Variants in SMG6 observed in about 807,000 individuals in gnomAD.
SMG6 encodes SMG6 nonsense mediated mRNA decay factor.
In SMG6, 66 loss-of-function variants were observed where a neutral mutation model predicts 142.2. That is an observed-to-expected ratio of 0.46 (90% CI 0.38 to 0.57). The LOEUF (loss-of-function observed/expected upper bound fraction) is 0.57, where lower values mean the gene tolerates loss of function less well. Ranked by LOEUF, SMG6 falls within the 20% of genes least tolerant of loss-of-function variation. The pLI is 0.00. For synonymous variants in SMG6, 779 were observed against 702.4 expected (o/e 1.11, Z -1.72); for missense variants, 1,793 against 1,832.0 (o/e 0.98, Z 0.39).
At chr17:2,165,370 A>G (rs2071305052) in intron 13 of SMG6, among the ~76,000 whole-genome samples, 1 of 152,194 alleles carries the variant, frequency 6.6e-6, no homozygotes, top group African/African-American at 2.4e-5. Flanking sequence ...TAGAAAATAA[A>G]TTCATTTATT....
intron 10 of SMG6, among the ~76,000 whole-genome samples, chr17:2,232,493 G>C (rs1386866880): frequency 6.6e-6 from 1 of 152,104 alleles, no homozygotes; most frequent in East Asian, 1.9e-4. Context: ...GGCTTTCCCA[G>C]AACTGTTGCC....
chr17:2,079,509 G>A (rs1001027020), intron 15 of SMG6, among the ~76,000 whole-genome samples: 9 of 152,064 alleles, frequency 5.9e-5, no homozygotes, highest in Admixed American at 5.2e-4. Flanking sequence ...GGTGGTGCAT[G>A]CCTGTAATCC....
chr17:2,151,685 G>C (rs2070829625), intron 13 of SMG6, among the ~76,000 whole-genome samples: 1 of 152,232 alleles, frequency 6.6e-6, no homozygotes, highest in African/African-American at 2.4e-5. Flanking sequence ...CAATTAAAAA[G>C]TGACAAGATT....
chr17:2,098,780 G>GC (rs2068927490), intron 13 of SMG6, among the ~76,000 whole-genome samples: 1 of 151,918 alleles, frequency 6.6e-6, no homozygotes, highest in African/African-American at 2.4e-5. Context: ...ACAGGCACCC[G>GC]CCACCATGTC....
intron 8 of SMG6, chr17:2,255,576 C>A (rs1195306624): frequency 6.4e-6 from 1 of 155,984 alleles, no homozygotes; most frequent in Non-Finnish European, 1.4e-5. Context: ...GCGGGCGCCT[C>A]CGCCCGGCCA....
chr17:2,141,979 G>A (rs8072532), intron 13 of SMG6, among the ~76,000 whole-genome samples: 115,489 of 152,160 alleles, frequency 0.76, 45,071 homozygotes, highest in African/African-American at 0.93. Context: ...TTTCTGAAGT[G>A]TGTACTTCAG....
At chr17:2,172,962 C>T in intron 12 of SMG6, 103 bp from the exon 13 acceptor site, 1 of 1,143,954 alleles carries the variant, frequency 8.7e-7, no homozygotes, top group Non-Finnish European at 1.3e-6. Context: ...CAAATGTTGT[C>T]TAGGCTGGCA....
At chr17:2,087,123 A>G in intron 13 of SMG6, 1 of 1,290,468 alleles carries the variant, frequency 7.7e-7, no homozygotes, top group African/African-American at 1.5e-5. Flanking sequence ...TCTCTCTCTC[A>G]TGTGGACAGC....
chr17:2,231,385 G>C (rs2073487797), intron 10 of SMG6, among the ~76,000 whole-genome samples: 1 of 152,084 alleles, frequency 6.6e-6, no homozygotes, highest in South Asian at 2.1e-4. Flanking sequence ...CTGTAATTCA[G>C]GATTACTAAC....
At chr17:2,152,365 C>G (rs76548545) in intron 13 of SMG6, among the ~76,000 whole-genome samples, 2 of 152,218 alleles carry the variant, frequency 1.3e-5, no homozygotes, top group East Asian at 3.8e-4. Context: ...GTGAACCCTT[C>G]AGCTCTCAGC....
chr17:2,103,518 G>C (rs2069069546), intron 13 of SMG6, among the ~76,000 whole-genome samples: 1 of 152,174 alleles, frequency 6.6e-6, no homozygotes, highest in South Asian at 2.1e-4. Context: ...GAAAATTTCT[G>C]TTGCTGTCCA....
chr17:2,079,341 C>T (rs947941982), intron 15 of SMG6, among the ~76,000 whole-genome samples: 1 of 152,164 alleles, frequency 6.6e-6, no homozygotes, highest in Non-Finnish European at 1.5e-5. Flanking sequence ...AACAGAATTT[C>T]TGGGAAAACA....
At chr17:2,107,997 G>A (rs962919833) in intron 13 of SMG6, among the ~76,000 whole-genome samples, 7 of 152,228 alleles carry the variant, frequency 4.6e-5, no homozygotes, top group East Asian at 1.9e-4. Context: ...CACCTGCCTC[G>A]CCTTCTGAAA....
chr17:2,223,905 G>A (rs1209850237), intron 10 of SMG6, among the ~76,000 whole-genome samples: 1 of 152,008 alleles, frequency 6.6e-6, no homozygotes, highest in East Asian at 1.9e-4. Context: ...CACTGCTCAT[G>A]GGCATCACAG....
intron 13 of SMG6, among the ~76,000 whole-genome samples, chr17:2,139,930 T>G (rs2070424383): frequency 6.6e-6 from 1 of 151,996 alleles, no homozygotes. Context: ...TTCACCATGT[T>G]GCCCAGGCTG....
intron 12 of SMG6, 119 bp downstream of exon 12, chr17:2,186,544 G>A (rs2071991820): frequency 1.7e-6 from 2 of 1,184,810 alleles, no homozygotes; most frequent in Non-Finnish European, 2.3e-6. Context: ...AAATAAAGAA[G>A]AAATAGAGAG....
chr17:2,075,990 G>A (rs1902301058), intron 15 of SMG6, among the ~76,000 whole-genome samples: 1 of 152,080 alleles, frequency 6.6e-6, no homozygotes, highest in Admixed American at 6.5e-5. Flanking sequence ...GCTGCAGAGG[G>A]AGACCAGGCC....
At chr17:2,287,625 T>C (rs1217621061) in intron 6 of SMG6, among the ~76,000 whole-genome samples, 1 of 152,152 alleles carries the variant, frequency 6.6e-6, no homozygotes, top group Admixed American at 6.5e-5. Flanking sequence ...TTATTCACAA[T>C]AGCCAACAGA....
chr17:2,298,099 GA>G, intron 2 of SMG6, 44 bp from the exon 3 acceptor site: 1 of 1,534,134 alleles, frequency 6.5e-7, no homozygotes, highest in Non-Finnish European at 8.7e-7. Flanking sequence ...ATACACCACA[GA>G]AAAAGCTAGA....
Sources: allele counts gnomAD v4.1 joint callset (sites outside exome capture counted in the v4.1 genomes callset), GRCh38; gene constraint gnomAD v4.1.1; transcripts MANE v1.5; gene names NCBI Gene and HGNC (gene_info 2026-07-23, HGNC 2026-07-21).